The following PCLO variants were observed in gnomAD, a reference collection of about 807,000 sequenced individuals.
The protein encoded by PCLO is piccolo presynaptic cytomatrix protein.
A neutral mutation model predicts 427.5 loss-of-function variants in PCLO; 82 were observed. The observed-to-expected ratio is 0.19, with a 90% CI of 0.16 to 0.23. The LOEUF is 0.23. PCLO is among the 10% of genes least tolerant of loss of function. The pLI, the probability that PCLO is intolerant of heterozygous loss-of-function variation, is 1.00. For missense variants in PCLO, 6,239 were observed against 6,115.9 expected (o/e 1.02, Z -0.67); for synonymous variants, 2,357 against 2,155.4 (o/e 1.09, Z -2.59).
chr7:83,122,286 CTTTTTT>C (rs71074624), intron 3 of PCLO, among the ~76,000 whole-genome samples: 13 of 128,294 alleles, frequency 1.0e-4, no homozygotes, highest in African/African-American at 3.6e-4. Context: ...CTTTTCTTTT[CTTTTTT>C]TTTTTTTTTT....
chr7:83,030,744 G>C (rs935171066), intron 3 of PCLO, among the ~76,000 whole-genome samples: 3 of 152,318 alleles, frequency 2.0e-5, no homozygotes, highest in Non-Finnish European at 4.4e-5. Flanking sequence ...ACCTGGCAGT[G>C]TTGCAAAATG....
chr7:82,871,190 A>G (rs780340199), intron 10 of PCLO, among the ~76,000 whole-genome samples: 2 of 152,032 alleles, frequency 1.3e-5, no homozygotes, highest in African/African-American at 2.4e-5. Flanking sequence ...CAAAATAGCC[A>G]AGAGATGGAA....
rs752668460 is a variant in PCLO at position 82,952,077 on chromosome 7, G to C, written c.8876C>G (p.Ala2959Gly). ...AAAACGATCCTCAGGAAGAGTAGTT[G>C]CAGGCTGCTGTGCTGTGCAGCTCCT... is the stretch of plus-strand genomic sequence containing the variant. ...FGRSCTAQQP[A>G]TTLPEDRFGY... The change falls in exon 5 of 25, where the codon GCA becomes GGA. Residue 2959 changes from alanine to glycine, a missense_variant. Transcript: ENST00000333891. The C allele has an allele frequency of 1.2e-6, 2 of 1,613,954 alleles. No homozygotes were observed. The highest frequency in any genetic ancestry group is 1.3e-5 in the African/African-American group (1 of 75,030).
At chr7:83,038,883 C>T (rs1056828929) in intron 3 of PCLO, among the ~76,000 whole-genome samples, 7 of 151,982 alleles carry the variant, frequency 4.6e-5, no homozygotes, top group African/African-American at 1.4e-4. Flanking sequence ...TCTAGATCCT[C>T]ACCAATATTT....
intron 3 of PCLO, among the ~76,000 whole-genome samples, chr7:82,984,985 T>C (rs945723469): frequency 6.6e-6 from 1 of 152,024 alleles, no homozygotes; most frequent in Non-Finnish European, 1.5e-5. Context: ...ATTGAAAGAA[T>C]ATTACAATTA....
At chr7:82,972,065 G>A (rs948224642) in intron 3 of PCLO, among the ~76,000 whole-genome samples, 12 of 151,520 alleles carry the variant, frequency 7.9e-5, no homozygotes, top group African/African-American at 2.7e-4. Context: ...TAATAATCAG[G>A]GTATCAAAAT....
intron 9 of PCLO, chr7:82,894,480 C>CT (rs1436563234): frequency 1.3e-5 from 2 of 152,312 alleles, no homozygotes; most frequent in African/African-American, 4.8e-5. Context: ...AAAGAGAGAG[C>CT]TTATGCAGGG....
chr7:83,065,434 T>G (rs1789644263), intron 3 of PCLO, among the ~76,000 whole-genome samples: 1 of 146,148 alleles, frequency 6.8e-6, no homozygotes, highest in Non-Finnish European at 1.5e-5. Flanking sequence ...TGTGGGGGAG[T>G]TTTTTTTTCC....
At chr7:82,899,625 T>C (rs1258663590) in intron 9 of PCLO, among the ~76,000 whole-genome samples, 1 of 151,506 alleles carries the variant, frequency 6.6e-6, no homozygotes. Flanking sequence ...AGAAAAGATA[T>C]AGTACATTAC....
intron 20 of PCLO, chr7:82,821,671 T>C (rs1327952680): frequency 1.0e-6 from 1 of 976,664 alleles, no homozygotes; most frequent in Non-Finnish European, 1.2e-6. Context: ...TATACTTTGA[T>C]TGACTTATAG....
Position 82,954,047 on chromosome 7 carries a change from C to A in PCLO, c.6906G>T (p.Lys2302Asn). Residue 2302 changes from lysine (K) to asparagine (N), a missense_variant, in exon 5 of 25, where the codon AAG becomes AAT. Transcript: ENST00000333891. Reference protein sequence around the residue: ...DLLISEKDPVKKAKKETGNGI... With the variant: ...DLLISEKDPVNKAKKETGNGI... ...CATTCCCAGTTTCCTTCTTGGCTTTCTTCACTGGGTCCTTTTCAGATATAA... is the reference window on the plus strand; with the variant it reads ...CATTCCCAGTTTCCTTCTTGGCTTTATTCACTGGGTCCTTTTCAGATATAA... The A allele has an allele frequency of 6.2e-7, 1 of 1,613,768 alleles. No homozygotes were observed. The highest frequency in any genetic ancestry group is 8.5e-7 in the Non-Finnish European group (1 of 1,179,842).
Position 82,953,530 on chromosome 7 carries a change from C to T in PCLO, c.7423G>A (p.Val2475Ile), listed in dbSNP as rs10954696. ...TAVLRSNGLPVTRICTTAPPP... is the reference protein window; with the variant it reads ...TAVLRSNGLPITRICTTAPPP... The stretch of plus-strand genomic sequence containing the variant: ...GGTGCAGTAGTACATATTCTTGTAA[C>T]AGGTAATCCATTACTTCTCAGAACA... The change falls in exon 5 of 25, where the codon GTT (valine) becomes ATT (isoleucine). Residue 2475 changes from valine to isoleucine, a missense_variant. By Grantham distance (29) the Val-to-Ile change is conservative. Around this residue, in one of 5 missense-constraint regions of PCLO, gnomAD observed 4,677 missense variants for 4,468.4 expected, o/e 1.05. Coordinates refer to ENST00000333891, the MANE Select transcript of PCLO (RefSeq NM_033026.6). 580,933 of 1,611,864 alleles carry T rather than the reference C, an allele frequency of 0.36. 107,744 individuals carry two copies. The highest frequency in any genetic ancestry group is 0.48 in the East Asian group (21,389 of 44,764).
intron 10 of PCLO, among the ~76,000 whole-genome samples, chr7:82,875,292 C>T (rs549269569): frequency 6.6e-6 from 1 of 152,078 alleles, no homozygotes; most frequent in African/African-American, 2.4e-5. Context: ...TAGGAGATGG[C>T]ACACATACCA....
At chr7:82,965,602 G>A (rs1795748221) in intron 4 of PCLO, among the ~76,000 whole-genome samples, 169 bp downstream of exon 4, 1 of 152,146 alleles carries the variant, frequency 6.6e-6, no homozygotes, top group East Asian at 1.9e-4. Context: ...GCTGTGAAAA[G>A]ACCAAAGTTC....
At chr7:82,857,683 G>T (rs973057754) in intron 10 of PCLO, among the ~76,000 whole-genome samples, 6 of 152,054 alleles carry the variant, frequency 3.9e-5, no homozygotes, top group Admixed American at 6.6e-5. Flanking sequence ...TAAAGCATGT[G>T]TAAAATGAGA....
chr7:83,091,392 C>A (rs943633345), intron 3 of PCLO, among the ~76,000 whole-genome samples: 1 of 152,076 alleles, frequency 6.6e-6, no homozygotes, highest in African/African-American at 2.4e-5. Flanking sequence ...AATGTCAGTA[C>A]TTTGACACTT....
intron 6 of PCLO, among the ~76,000 whole-genome samples, chr7:82,920,737 A>G (rs527437685): frequency 1.3e-5 from 2 of 151,896 alleles, no homozygotes; most frequent in African/African-American, 2.4e-5. Flanking sequence ...AATATTAATG[A>G]AAATAATAAG....
At chr7:83,056,940 T>C (rs1037276530) in intron 3 of PCLO, among the ~76,000 whole-genome samples, 7 of 152,152 alleles carry the variant, frequency 4.6e-5, no homozygotes, top group African/African-American at 1.2e-4. Flanking sequence ...GTATGGCTAA[T>C]ATTTTATATT....
At chr7:83,108,808 G>A (rs1296254899) in intron 3 of PCLO, among the ~76,000 whole-genome samples, 1 of 151,774 alleles carries the variant, frequency 6.6e-6, no homozygotes, top group Non-Finnish European at 1.5e-5. Context: ...CATTCTAATG[G>A]TAATAGTAAT....
Sources: gnomAD v4.1 joint callset for allele counts (sites outside exome capture counted in the v4.1 genomes callset) on GRCh38, gnomAD v4.1.1 for gene constraint, gnomAD v4.1.1 regional missense constraint, MANE v1.5 for transcripts, NCBI Gene and HGNC (gene_info 2026-07-23, HGNC 2026-07-21) for gene names.